ZNF469: variants seen among roughly 807,000 people sequenced by gnomAD.
The protein encoded by ZNF469 is zinc finger protein 469.
A neutral mutation model predicts 1.0 loss-of-function variants in ZNF469; 1 was observed. The observed-to-expected ratio is 1.00, with a 90% CI of 0.35 to 4.73. The LOEUF (loss-of-function observed/expected upper bound fraction) is 4.73, where lower values mean the gene tolerates loss of function less well. Among genes scored for constraint, ZNF469 ranks in the 30% most tolerant of loss-of-function variants. The pLI, the probability that ZNF469 is intolerant of heterozygous loss-of-function variation, is 0.16. For missense variants in ZNF469, 6,100 were observed against 5,356.3 expected (o/e 1.14, Z -4.33); for synonymous variants, 2,703 against 2,363.4 (o/e 1.14, Z -4.17).
At chr16:88,201,995 G>T in the ZNF469 span, among the ~76,000 whole-genome samples, 63,356 of 151,860 alleles carry the variant, frequency 0.42, 14,938 homozygotes, top group South Asian at 0.55. This position sits in a 1 kb window ranked among gnomAD's most constrained non-coding sequence, Gnocchi z 5.0. Flanking sequence ...CTCCCTTTTT[G>T]CCTGGAGGAG....
the ZNF469 span, among the ~76,000 whole-genome samples, chr16:88,283,685 G>C: frequency 6.6e-6 from 1 of 152,208 alleles, no homozygotes; most frequent in Non-Finnish European, 1.5e-5. Flanking sequence ...GAGTTGGAGC[G>C]GATTCTTAGG....
At chr16:88,200,356 A>G in the ZNF469 span, among the ~76,000 whole-genome samples, 4 of 152,338 alleles carry the variant, frequency 2.6e-5, no homozygotes, top group African/African-American at 9.6e-5. Flanking sequence ...CAGAAGCCTC[A>G]GAGCTGGAAG....
chr16:88,337,107 G>A, the ZNF469 span, among the ~76,000 whole-genome samples: 2 of 152,184 alleles, frequency 1.3e-5, no homozygotes, highest in African/African-American at 2.4e-5. Flanking sequence ...CCATTTCCAC[G>A]CTGGGGCTAT....
the ZNF469 span, among the ~76,000 whole-genome samples, chr16:88,119,136 C>T: frequency 6.6e-6 from 1 of 152,164 alleles, no homozygotes; most frequent in African/African-American, 2.4e-5. Flanking sequence ...TTTGTCCAGT[C>T]CTTGAGGAGT....
chr16:88,420,616 C>T lies in ZNF469; in HGVS notation c.-191-4191C>T, dbSNP rs376032529. 5.9e-5 allele frequency among the ~76,000 whole-genome samples: 9 copies of T among 152,292 alleles called. No homozygotes were observed. The East Asian group carries it at 1.2e-3, about 20-fold the overall frequency. On this transcript the variant is annotated intron_variant, in intron 1 of 2. Coordinates refer to ENST00000565624, the MANE Select transcript of ZNF469 (RefSeq NM_001367624.2). ...TGAGAATTGCAGGATCATGGAGACA[C>T]GCCCGAGGAGTTCACACCACACGCA...
intron 1 of ZNF469, among the ~76,000 whole-genome samples, chr16:88,383,957 G>T (rs1038339726): frequency 1.3e-5 from 2 of 152,212 alleles, no homozygotes; most frequent in South Asian, 2.1e-4. Context: ...GGCCAATGGG[G>T]CTCGGGGGAC....
chr16:88,269,132 A>T, the ZNF469 span, among the ~76,000 whole-genome samples: 2 of 152,234 alleles, frequency 1.3e-5, no homozygotes, highest in Admixed American at 1.3e-4. Flanking sequence ...GAGCAGGTGA[A>T]GGTGGGGCAG....
the ZNF469 span, among the ~76,000 whole-genome samples, chr16:88,139,355 G>A: frequency 6.6e-6 from 1 of 151,904 alleles, no homozygotes; most frequent in Non-Finnish European, 1.5e-5. Flanking sequence ...ATGTGACGAG[G>A]AAAATTGCTG....
At chr16:88,274,645 G>C in the ZNF469 span, among the ~76,000 whole-genome samples, 1 of 152,230 alleles carries the variant, frequency 6.6e-6, no homozygotes, top group Non-Finnish European at 1.5e-5. Context: ...AAAAGGCCGT[G>C]GGGGTGTGCT....
At chr16:88,222,839 T>A in the ZNF469 span, among the ~76,000 whole-genome samples, 1 of 151,900 alleles carries the variant, frequency 6.6e-6, no homozygotes, top group East Asian at 1.9e-4. Flanking sequence ...CCTCAAACGA[T>A]CCTTCCACCT....
chr16:88,380,598 TGCACTCACACAC>T (rs2142256091), upstream of ZNF469, among the ~76,000 whole-genome samples: 1 of 91,024 alleles, frequency 1.1e-5, no homozygotes, highest in East Asian at 3.6e-4. Context: ...CTCACACACA[TGCACTCACACAC>T]GCACACACCC....
At chr16:88,307,456 C>A in the ZNF469 span, among the ~76,000 whole-genome samples, 1 of 152,314 alleles carries the variant, frequency 6.6e-6, no homozygotes, top group South Asian at 2.1e-4. Flanking sequence ...CTTACATTCC[C>A]ACGGGCAGTG....
the ZNF469 span, among the ~76,000 whole-genome samples, chr16:88,284,263 G>C: frequency 6.6e-6 from 1 of 152,324 alleles, no homozygotes; most frequent in Non-Finnish European, 1.5e-5. Flanking sequence ...TCTTGGCTCA[G>C]TTTGCTGACA....
the ZNF469 span, among the ~76,000 whole-genome samples, chr16:88,220,065 A>G: frequency 6.6e-6 from 1 of 152,150 alleles, no homozygotes; most frequent in Non-Finnish European, 1.5e-5. Flanking sequence ...CAGCCTCATG[A>G]TGCCTTCCAA....
chr16:88,116,480 A>G, the ZNF469 span, among the ~76,000 whole-genome samples: 1 of 152,244 alleles, frequency 6.6e-6, no homozygotes, highest in Admixed American at 6.5e-5. Flanking sequence ...CGACTAATGT[A>G]CAACCCCACA....
chr16:88,247,012 T>G, the ZNF469 span, among the ~76,000 whole-genome samples: 4 of 151,024 alleles, frequency 2.6e-5, no homozygotes, highest in South Asian at 8.4e-4. Flanking sequence ...AATGAGTGAA[T>G]CAATGAGTGA....
chr16:88,303,139 G>T, the ZNF469 span, among the ~76,000 whole-genome samples: 2 of 152,206 alleles, frequency 1.3e-5, no homozygotes, highest in African/African-American at 4.8e-5. Flanking sequence ...CTCTGGGCCT[G>T]ATAGGAAAGT....
At chr16:88,231,102 C>T in the ZNF469 span, among the ~76,000 whole-genome samples, 7 of 152,276 alleles carry the variant, frequency 4.6e-5, no homozygotes, top group Admixed American at 6.5e-5. The surrounding 1 kb of genome is among the most constrained non-coding windows in gnomAD (Gnocchi z 4.5). Flanking sequence ...GCTGGAGAGA[C>T]GGTGGCTCCT....
At chr16:88,260,158 T>C in the ZNF469 span, among the ~76,000 whole-genome samples, 1 of 151,732 alleles carries the variant, frequency 6.6e-6, no homozygotes, top group Non-Finnish European at 1.5e-5. This position sits in a 1 kb window ranked among gnomAD's most constrained non-coding sequence, Gnocchi z 4.1. Context: ...TTTTTTTTTT[T>C]TTTGTATTTT....
Sources: allele counts gnomAD v4.1 joint callset (sites outside exome capture counted in the v4.1 genomes callset), GRCh38; gene constraint gnomAD v4.1.1; non-coding constraint Gnocchi (gnomAD v3.1); transcripts MANE v1.5; gene names NCBI Gene and HGNC (gene_info 2026-07-23, HGNC 2026-07-21).